The following ELFN2 variants were observed in gnomAD, a reference collection of about 807,000 sequenced individuals.
The protein encoded by ELFN2 is protein phosphatase 1 regulatory subunit 29.
Under a neutral mutation model 45.5 loss-of-function variants are expected in ELFN2, and 17 were observed. That is an observed-to-expected ratio of 0.37 (90% CI 0.26 to 0.56). The LOEUF is 0.56. Ranked by LOEUF, ELFN2 falls within the 20% of genes least tolerant of loss-of-function variation. The pLI, the probability that ELFN2 is intolerant of heterozygous loss-of-function variation, is 0.77. For missense variants in ELFN2, 922 were observed against 1,183.2 expected, an observed-to-expected ratio of 0.78 and a Z score of 3.24; for synonymous variants, 550 against 551.5, an observed-to-expected ratio of 1.00 and a Z score of 0.04.
At chr22:37,386,219 G>A (rs1350018522) in intron 2 of ELFN2, among the ~76,000 whole-genome samples, 2 of 152,184 alleles carry the variant, frequency 1.3e-5, no homozygotes, top group Non-Finnish European at 2.9e-5. Flanking sequence ...CATGGCCACT[G>A]TGGACACCAG....
intron 2 of ELFN2, among the ~76,000 whole-genome samples, chr22:37,401,353 A>G (rs1394419812): frequency 6.6e-6 from 1 of 152,222 alleles, no homozygotes; most frequent in Non-Finnish European, 1.5e-5. Context: ...AGAGAGCCAA[A>G]GCAACATGCC....
chr22:37,421,623 C>T (rs976665360), intron 1 of ELFN2, among the ~76,000 whole-genome samples: 4 of 152,186 alleles, frequency 2.6e-5, no homozygotes, highest in African/African-American at 9.7e-5. Context: ...GGGGTTCCTG[C>T]CTGAGCCCCG....
At chr22:37,412,880 C>T (rs1036171402) in intron 2 of ELFN2, among the ~76,000 whole-genome samples, 3 of 152,306 alleles carry the variant, frequency 2.0e-5, no homozygotes, top group Admixed American at 6.5e-5. Context: ...CCTTCCTCCC[C>T]GGGTGACCCA....
Position 37,374,849 on chromosome 22 carries a change from G to C in ELFN2, c.686C>G (p.Pro229Arg). Residue 229 changes from proline to arginine, a missense_variant, in exon 3 of 3, where the codon CCC becomes CGC. By Grantham distance (103) the Pro-to-Arg change is moderately radical (BLOSUM62 -2). Transcript: ENST00000402918. ...GGCGTTGAGGCTGTGGTAGGGCCGG[G>C]GCACCAGCAGCGGGTAGCCGGCAAA... Reference protein sequence around the residue: ...REFAGYPLLVPRPYHSLNAIT... With the variant: ...REFAGYPLLVRRPYHSLNAIT... The C allele has an allele frequency of 6.2e-7, 1 of 1,607,898 alleles. No individual in the cohort carries two copies. Among genetic ancestry groups the C allele is most frequent in the Non-Finnish European group, 8.5e-7 (1 of 1,179,812 alleles).
At chr22:37,395,989 G>T (rs1379342503) in intron 2 of ELFN2, among the ~76,000 whole-genome samples, 3 of 152,188 alleles carry the variant, frequency 2.0e-5, no homozygotes, top group Admixed American at 6.5e-5. Context: ...TTAAGTGGGA[G>T]GCTCAGCACC....
intron 2 of ELFN2, among the ~76,000 whole-genome samples, chr22:37,401,226 C>T (rs1932354767): frequency 6.6e-6 from 1 of 152,232 alleles, no homozygotes; most frequent in African/African-American, 2.4e-5. Context: ...GGGAGCACAG[C>T]TCCCCAACCA....
intron 1 of ELFN2, among the ~76,000 whole-genome samples, chr22:37,346,984 A>T (rs575227601): frequency 0.015 from 2,316 of 149,456 alleles, 52 homozygotes; most frequent in African/African-American, 0.054. Flanking sequence ...CTTCATTATT[A>T]TTTTTTTTTT....
At chr22:37,405,034 C>T (rs1299959415) in intron 2 of ELFN2, among the ~76,000 whole-genome samples, 1 of 151,722 alleles carries the variant, frequency 6.6e-6, no homozygotes, top group Non-Finnish European at 1.5e-5. Flanking sequence ...ATCCTGGGTC[C>T]CCTACTTACC....
chr22:37,365,481 C>G (rs1292635552), downstream of ELFN2, among the ~76,000 whole-genome samples: 1 of 152,112 alleles, frequency 6.6e-6, no homozygotes, highest in Non-Finnish European at 1.5e-5. Context: ...ATCAAAGAAG[C>G]TAGAGAAGGA....
At position 37,349,695 on chromosome 22, in the gene ELFN2, C is replaced by T. The variant is rs1044796246; in HGVS notation, n.149-6992G>A. ...GCAGGGCACACTCATCAGCCCACACCGTGGTTTACATCCTACCCTCACCAC... is the reference window on the plus strand; with the variant it reads ...GCAGGGCACACTCATCAGCCCACACTGTGGTTTACATCCTACCCTCACCAC... On this transcript the variant is annotated intron_variant and non_coding_transcript_variant, in intron 1 of 2. Coordinates refer to ENST00000452946, the Ensembl canonical transcript of ELFN2. Among the ~76,000 whole-genome samples the T allele has an allele frequency of 4.6e-5, 7 of 151,080 alleles. 1 individual carries two copies. The highest frequency in any genetic ancestry group is 1.0e-4 in the Non-Finnish European group (7 of 67,330).
intron 2 of ELFN2, among the ~76,000 whole-genome samples, chr22:37,394,897 G>A (rs1932172585): frequency 6.6e-6 from 1 of 152,050 alleles, no homozygotes; most frequent in Admixed American, 6.5e-5. Context: ...GAGGTCAGGA[G>A]TTCGAGACCA....
chr22:37,405,185 C>T (rs1225405195), intron 2 of ELFN2, among the ~76,000 whole-genome samples: 2 of 151,668 alleles, frequency 1.3e-5, no homozygotes, highest in African/African-American at 2.4e-5. Flanking sequence ...CTCCGCCTCC[C>T]GGGTTCAAGC....
chr22:37,374,510 T>C lies in ELFN2; in HGVS notation c.1025A>G (p.Lys342Arg). The change falls in exon 3 of 3, where the codon AAG (lysine) becomes AGG (arginine). Residue 342 changes from lysine to arginine, a missense_variant. By Grantham distance (26) the Lys-to-Arg change is conservative (BLOSUM62 2). Transcript: ENST00000402918. ...YFSDVMTLKN[K>R]KEIVTLDKLR... ...TTTGTCCAGCGTCACGATCTCCTTC[T>C]TGTTCTTGAGGGTCATGACGTCGGA... The C allele has an allele frequency of 6.2e-7, 1 of 1,614,236 alleles. No individual in the cohort carries two copies. The highest frequency in any genetic ancestry group is 1.1e-5 in the South Asian group (1 of 91,088).
At position 37,375,130 on chromosome 22, in the gene ELFN2, C is replaced by A. The variant is rs552360406; in HGVS notation, c.405G>T (p.Gln135His). The A allele has an allele frequency of 6.2e-7, 1 of 1,613,874 alleles. No individual in the cohort carries two copies. The highest frequency in any genetic ancestry group is 1.1e-5 in the South Asian group (1 of 91,082). Residue 135 changes from glutamine (Q) to histidine (H), a missense_variant, in exon 3 of 3, where the codon CAG becomes CAT. Gln to His is a conservative substitution (Grantham distance 24). Around this residue, in one of 2 missense-constraint regions of ELFN2, gnomAD observed 358 missense variants for 540.4 expected, o/e 0.66. Transcript: ENST00000402918. The part of the protein sequence containing the change: ...GMSRLQFLFV[Q>H]HNLIEVVTPT... ...GCGTCACCACCTCGATGAGGTTGTG[C>A]TGGACAAAGAGGAACTGCAGGCGGC...
Position 37,373,876 on chromosome 22 carries a change from A to G in ELFN2, c.1659T>C (p.Asp553=). ...KVNQIINNCI[D]ALKLDSASFL... ...AAGAGGCCGAGTCCAGCTTGAGAGCATCGATGCAGTTGTTAATGATCTGGT... is the reference window on the plus strand; with the variant it reads ...AAGAGGCCGAGTCCAGCTTGAGAGCGTCGATGCAGTTGTTAATGATCTGGT... Residue 553 remains aspartate (D), a synonymous_variant, in exon 3 of 3, where the codon GAT becomes GAC. Transcript: ENST00000402918. 11 of 1,613,396 alleles carry G rather than the reference A, an allele frequency of 6.8e-6. No homozygotes were observed. Among genetic ancestry groups the G allele is most frequent in the Non-Finnish European group, 8.5e-6 (10 of 1,179,956 alleles).
Position 37,375,968 on chromosome 22 carries a change from G to A in ELFN2, c.-434C>T, listed in dbSNP as rs570746046. On this transcript the variant is annotated 5_prime_UTR_variant, in exon 3 of 3. Coordinates refer to ENST00000402918, the MANE Select transcript of ELFN2 (RefSeq NM_052906.5). ...CCAGGAGTGAGAGAGATGGGGGCAG[G>A]AAGGAAGAGACCCATCTGCACCTGG... The A allele has an allele frequency of 2.3e-5, 5 of 218,262 alleles. No homozygotes were observed. The highest frequency in any genetic ancestry group is 2.0e-4 in the South Asian group (2 of 10,088). The allele number at this position is 218,262 out of a possible 1,614,324, so 13.5% of individuals were successfully genotyped here.
intron 1 of ELFN2, among the ~76,000 whole-genome samples, chr22:37,345,702 C>A (rs1304673821): frequency 6.6e-6 from 1 of 152,126 alleles, no homozygotes; most frequent in African/African-American, 2.4e-5. Context: ...TGCGTGCCAC[C>A]ACGCCCAGCT....
intron 2 of ELFN2, among the ~76,000 whole-genome samples, chr22:37,399,066 T>C (rs1046350106): frequency 2.0e-5 from 3 of 152,014 alleles, no homozygotes; most frequent in Non-Finnish European, 2.9e-5. Flanking sequence ...GGGCCTCTGG[T>C]GTCCTCCCCA....
rs149900295 is a variant in ELFN2 at position 37,393,672 on chromosome 22, G to C, written c.-462-17676C>G. Reference sequence around the variant, plus strand: ...GGAAAGCTGAGGCCAGTGAGGTCAAGTCATCTCCCTAAGCCAGGCTGGAGC... The same window carrying C: ...GGAAAGCTGAGGCCAGTGAGGTCAACTCATCTCCCTAAGCCAGGCTGGAGC... On this transcript the variant is annotated intron_variant, in intron 2 of 2. Transcript: ENST00000402918. Among the ~76,000 whole-genome samples the C allele has an allele frequency of 3.1e-3, 473 of 152,268 alleles. 2 individuals carry two copies. Among genetic ancestry groups the C allele is most frequent in the African/African-American group, 0.011 (455 of 41,548 alleles).
Sources: allele counts gnomAD v4.1 joint callset (sites outside exome capture counted in the v4.1 genomes callset), GRCh38; gene constraint gnomAD v4.1.1; regional missense constraint gnomAD v4.1.1; transcripts MANE v1.5; gene names NCBI Gene and HGNC (gene_info 2026-07-23, HGNC 2026-07-21).